HTR2C: variants seen among roughly 807,000 people sequenced by gnomAD.
HTR2C encodes the protein 5-hydroxytryptamine receptor 2C.
In HTR2C, 5 loss-of-function variants were observed where a neutral mutation model predicts 21.0. The ratio of observed to expected loss-of-function variants is 0.24; its 90% CI spans 0.12 to 0.50. The LOEUF is 0.50. Ranked by LOEUF, HTR2C falls within the 20% of genes least tolerant of loss-of-function variation. The pLI, the probability that HTR2C is intolerant of heterozygous loss-of-function variation, is 0.98. For missense variants in HTR2C, 271 were observed against 371.2 expected (o/e 0.73, Z 2.22); for synonymous variants, 150 against 145.3 (o/e 1.03, Z -0.23).
At chrX:114,820,690 G>A (rs1303195562) in intron 4 of HTR2C, among the ~76,000 whole-genome samples, 20 of 110,253 alleles carry the variant, frequency 1.8e-4, no homozygotes, top group African/African-American at 6.3e-4. Context: ...AGGGGTTTCC[G>A]CTTTTGCTTC....
intron 2 of HTR2C, among the ~76,000 whole-genome samples, chrX:114,676,754 A>G (rs1931577396): frequency 8.9e-6 from 1 of 112,240 alleles, no homozygotes. Context: ...TTGCCTTTAG[A>G]TCAGAATGAA....
intron 4 of HTR2C, among the ~76,000 whole-genome samples, chrX:114,744,095 TTATC>T (rs782266177): frequency 1.8e-5 from 2 of 110,793 alleles, no homozygotes; most frequent in South Asian, 3.8e-4. Flanking sequence ...GATATGTTGA[TTATC>T]TAGATAGTAG....
intron 1 of HTR2C, among the ~76,000 whole-genome samples, chrX:114,598,139 AGAG>A (rs1489584271): frequency 8.9e-6 from 1 of 111,987 alleles, no homozygotes; most frequent in African/African-American, 3.2e-5. Flanking sequence ...TGTTAAATTC[AGAG>A]AAGATTGTAA....
intron 2 of HTR2C, among the ~76,000 whole-genome samples, chrX:114,715,882 T>C (rs1409231454): frequency 8.9e-6 from 1 of 112,523 alleles, no homozygotes; most frequent in Admixed American, 9.4e-5. Context: ...GTAAGCTCCA[T>C]TGGAGCAGGG....
chrX:114,701,054 G>T (rs782561778), intron 2 of HTR2C, among the ~76,000 whole-genome samples: 1 of 112,196 alleles, frequency 8.9e-6, no homozygotes, highest in African/African-American at 3.2e-5. Flanking sequence ...CAAAGCAGCC[G>T]GGAAGCTCGA....
chrX:114,638,276 A>G (rs1266828425), intron 2 of HTR2C, among the ~76,000 whole-genome samples: 1 of 111,496 alleles, frequency 9.0e-6, no homozygotes, highest in Non-Finnish European at 1.9e-5. Context: ...GTGGAAATTC[A>G]TAATTTAGAA....
chrX:114,652,325 C>T (rs1286051955), intron 2 of HTR2C, among the ~76,000 whole-genome samples: 2 of 110,399 alleles, frequency 1.8e-5, no homozygotes, highest in Admixed American at 9.7e-5. Context: ...TTATTTTTTG[C>T]GTCTCCTTGC....
intron 2 of HTR2C, among the ~76,000 whole-genome samples, chrX:114,683,518 C>T (rs1396112610): frequency 9.0e-6 from 1 of 111,511 alleles, no homozygotes; most frequent in African/African-American, 3.3e-5. Context: ...GGCACAGTGG[C>T]TCACACCTGT....
Position 114,728,791 on chromosome X carries a change from C to T in HTR2C, c.35+1820C>T, listed in dbSNP as rs190429099. Among the ~76,000 whole-genome samples the T allele has an allele frequency of 2.4e-3, 264 of 111,578 alleles. 1 individual carries two copies. The highest frequency in any genetic ancestry group is 8.1e-3 in the African/African-American group (250 of 30,830). On this transcript the variant is annotated intron_variant, in intron 3 of 5. Transcript: ENST00000276198. ...AAAATTCATAATTTGACATAATTTT[C>T]TTCGTATATGTTTCTGTTATATATA...
chrX:114,800,392 G>A (rs1260442634), intron 4 of HTR2C, among the ~76,000 whole-genome samples: 3 of 110,741 alleles, frequency 2.7e-5, no homozygotes, highest in Non-Finnish European at 5.7e-5. Context: ...GAAGACTGAA[G>A]GCATTTATCT....
At chrX:114,593,982 A>G (rs1283013814) in intron 1 of HTR2C, among the ~76,000 whole-genome samples, 1 of 112,020 alleles carries the variant, frequency 8.9e-6, no homozygotes, top group African/African-American at 3.2e-5. Context: ...CCAGTGCCCT[A>G]CATTTGAAAT....
At chrX:114,839,612 G>A (rs2070816600) in intron 4 of HTR2C, among the ~76,000 whole-genome samples, 1 of 111,132 alleles carries the variant, frequency 9.0e-6, no homozygotes, top group African/African-American at 3.3e-5. Flanking sequence ...GTTTGAGTCT[G>A]GGAGGTGGAG....
At chrX:114,659,754 C>T (rs782537750) in intron 2 of HTR2C, among the ~76,000 whole-genome samples, 32 of 109,152 alleles carry the variant, frequency 2.9e-4, no homozygotes, top group Non-Finnish European at 5.0e-4. Flanking sequence ...GAATACTGGA[C>T]TAGAAAAAAA....
intron 5 of HTR2C, among the ~76,000 whole-genome samples, chrX:114,899,137 T>A: frequency 8.9e-6 from 1 of 111,830 alleles, no homozygotes; most frequent in East Asian, 2.8e-4. Context: ...AAGTATTTTA[T>A]TCCTTTTGTG....
At chrX:114,595,443 T>C (rs1927795720) in intron 1 of HTR2C, among the ~76,000 whole-genome samples, 1 of 109,642 alleles carries the variant, frequency 9.1e-6, no homozygotes, top group East Asian at 2.9e-4. Flanking sequence ...CCCAGGCTGG[T>C]CTCGCACTCC....
At chrX:114,648,494 G>A (rs941035611) in intron 2 of HTR2C, among the ~76,000 whole-genome samples, 1 of 111,628 alleles carries the variant, frequency 9.0e-6, no homozygotes, top group African/African-American at 3.3e-5. Flanking sequence ...TTGGGAGGCC[G>A]AGGAGGGAAG....
intron 5 of HTR2C, among the ~76,000 whole-genome samples, chrX:114,884,145 A>G (rs782226933): frequency 9.0e-6 from 1 of 111,174 alleles, no homozygotes; most frequent in Non-Finnish European, 1.9e-5. Flanking sequence ...CATTGTGTAT[A>G]TATTCCACAG....
At chrX:114,650,144 A>G (rs191806473) in intron 2 of HTR2C, among the ~76,000 whole-genome samples, 1 of 112,196 alleles carries the variant, frequency 8.9e-6, no homozygotes, top group Non-Finnish European at 1.9e-5. Flanking sequence ...TGTCTAAGTC[A>G]TTACTTTATT....
intron 2 of HTR2C, among the ~76,000 whole-genome samples, chrX:114,696,713 G>A (rs1406121160): frequency 1.8e-5 from 2 of 110,239 alleles, no homozygotes; most frequent in African/African-American, 3.3e-5. Context: ...GGCAACAGGA[G>A]GGAAAAGAAT....
Sources: allele counts gnomAD v4.1 joint callset (sites outside exome capture counted in the v4.1 genomes callset), GRCh38; gene constraint gnomAD v4.1.1; transcripts MANE v1.5; gene names NCBI Gene and HGNC (gene_info 2026-07-23, HGNC 2026-07-21).